The following MTFR1 variants were observed in gnomAD, a reference collection of about 807,000 sequenced individuals.
The protein encoded by MTFR1 is chondrocyte protein with a poly-proline region.
In MTFR1, 28 loss-of-function variants were observed where a neutral mutation model predicts 38.8. The ratio of observed to expected loss-of-function variants is 0.72; its 90% confidence interval spans 0.53 to 0.99. MTFR1 has a LOEUF of 0.99. Ranked by LOEUF, MTFR1 falls within the 50% of genes least tolerant of loss-of-function variation. The probability of loss-of-function intolerance (pLI) is 0.00; values close to 1 mark genes in which losing one functional copy is unlikely to be tolerated. For missense variants in MTFR1, 358 were observed against 395.5 expected, an observed-to-expected ratio of 0.91 and a Z score of 0.81; for synonymous variants, 145 against 137.0, an observed-to-expected ratio of 1.06 and a Z score of -0.41.
intron 1 of MTFR1, among the ~76,000 whole-genome samples, chr8:65,656,539 T>C (rs548417123): frequency 6.7e-6 from 1 of 149,840 alleles, no homozygotes; most frequent in Admixed American, 6.7e-5. Context: ...TCTTTCTCTG[T>C]TGCCCAGGCT....
At chr8:65,703,743 A>T (rs1409088321) in intron 4 of MTFR1, among the ~76,000 whole-genome samples, 1 of 151,870 alleles carries the variant, frequency 6.6e-6, no homozygotes, top group Non-Finnish European at 1.5e-5. Flanking sequence ...CCTCTTTGTT[A>T]TTTTTGTTTT....
chr8:65,739,728 T>C, intron 3 of MTFR1: 1 of 972,332 alleles, frequency 1.0e-6, no homozygotes, highest in Non-Finnish European at 1.3e-6. Context: ...CTATCAAAAA[T>C]ATGCATCTTC....
intron 2 of MTFR1, among the ~76,000 whole-genome samples, chr8:65,671,474 G>A (rs1224995830): frequency 6.6e-6 from 1 of 150,686 alleles, no homozygotes; most frequent in African/African-American, 2.4e-5. Flanking sequence ...GGCAGAGGTT[G>A]CAGTAAGCTG....
chr8:65,672,018 A>G (rs963570305), intron 2 of MTFR1, among the ~76,000 whole-genome samples: 1 of 152,222 alleles, frequency 6.6e-6, no homozygotes, highest in Non-Finnish European at 1.5e-5. Flanking sequence ...ATTCTGTTTC[A>G]GGCACAGATA....
At chr8:65,739,625 A>T (rs2128901038) in intron 3 of MTFR1, 1 of 1,475,464 alleles carries the variant, frequency 6.8e-7, no homozygotes, top group Non-Finnish European at 9.0e-7. Context: ...ACATTACATT[A>T]GTAGGAAATA....
intron 5 of MTFR1, among the ~76,000 whole-genome samples, chr8:65,705,617 T>A (rs1805761155): frequency 2.0e-5 from 3 of 152,230 alleles, no homozygotes; most frequent in Admixed American, 2.0e-4. Context: ...CCTGGGTTTC[T>A]GTGTGGTACG....
At chr8:65,711,105 G>A (rs1805932707), downstream of MTFR1, among the ~76,000 whole-genome samples, 1 of 151,924 alleles carries the variant, frequency 6.6e-6, no homozygotes, top group Admixed American at 6.6e-5. Flanking sequence ...CTTTACTTTT[G>A]CATTATTTTA....
Position 65,665,576 on chromosome 8 carries a change from C to T in MTFR1, c.-80-4297C>T, listed in dbSNP as rs557041981. ...CTCCAGCATTTCCTTATATGATAGT[C>T]ATAATTTCTCTCATCTCCAATCAAA... On this transcript the variant is annotated intron_variant, in intron 1 of 7. Transcript: ENST00000262146. 3.9e-5 allele frequency among the ~76,000 whole-genome samples: 6 copies of T among 152,340 alleles called. No individual in the cohort carries two copies. In the East Asian group the frequency reaches 1.2e-3, roughly 29 times the overall value.
Position 65,769,287 on chromosome 8 carries a change from A to G in MTFR1, c.*49-1660A>G, listed in dbSNP as rs543140490. Among the ~76,000 whole-genome samples, 5 of 151,544 alleles carry G rather than the reference A, an allele frequency of 3.3e-5. No homozygotes were observed. In the East Asian group the frequency reaches 7.7e-4, roughly 23 times the overall value. ...AAAAAAAAGTAACAGATGCATGCAC[A>G]TATTTTTTTTAAAAAATTGTTATGA... On this transcript the variant is annotated intron_variant, in intron 3 of 3. Transcript: ENST00000521247.
At chr8:65,680,689 C>T (rs983961561) in intron 2 of MTFR1, among the ~76,000 whole-genome samples, 1 of 152,120 alleles carries the variant, frequency 6.6e-6, no homozygotes, top group African/African-American at 2.4e-5. Flanking sequence ...AGAATGATCA[C>T]GGATTGATCT....
chr8:65,747,941 T>C (rs1807757822), intron 3 of MTFR1: 6 of 490,412 alleles, frequency 1.2e-5, no homozygotes, highest in Non-Finnish European at 1.8e-5. Context: ...ATGAAAGAAG[T>C]GATACTTTAT....
chr8:65,770,596 T>C lies in MTFR1; in HGVS notation c.*49-351T>C, dbSNP rs188939486. ...GACACAGCCAAACCATATCAACCTC[T>C]AAACACTTCAGTGAATAACACCATA... is the stretch of plus-strand genomic sequence containing the variant. On this transcript the variant is annotated intron_variant, in intron 3 of 3. Transcript: ENST00000521247. 2.9e-3 allele frequency among the ~76,000 whole-genome samples: 445 copies of C among 152,284 alleles called. 2 individuals are homozygous for C. The highest frequency in any genetic ancestry group is 4.7e-3 in the Non-Finnish European group (322 of 68,000).
chr8:65,713,270 G>A (rs146331639), downstream of MTFR1, among the ~76,000 whole-genome samples: 3,693 of 152,096 alleles, frequency 0.024, 164 homozygotes, highest in African/African-American at 0.083. Flanking sequence ...GTGAAACCCT[G>A]TCTCTACTAA....
intron 4 of MTFR1, among the ~76,000 whole-genome samples, chr8:65,695,011 C>A (rs1355279742): frequency 2.0e-5 from 3 of 152,124 alleles, no homozygotes; most frequent in Non-Finnish European, 2.9e-5. Context: ...CTCTAAGAAA[C>A]ATAGAAAAGT....
chr8:65,750,861 A>G (rs1807916202), intron 3 of MTFR1, among the ~76,000 whole-genome samples: 2 of 152,206 alleles, frequency 1.3e-5, no homozygotes, highest in Admixed American at 1.3e-4. Context: ...TTCATTATCA[A>G]GAGTTCTATT....
chr8:65,697,532 T>G (rs1585790919), intron 4 of MTFR1, among the ~76,000 whole-genome samples: 1 of 152,266 alleles, frequency 6.6e-6, no homozygotes, highest in East Asian at 1.9e-4. Context: ...CAGTAGTTGA[T>G]GGACATCTAG....
chr8:65,690,402 G>A (rs1301307144), intron 3 of MTFR1, among the ~76,000 whole-genome samples: 5 of 152,002 alleles, frequency 3.3e-5, no homozygotes, highest in East Asian at 1.9e-4. Context: ...GCCAGGTGTC[G>A]TGGTGTGTGC....
intron 2 of MTFR1, among the ~76,000 whole-genome samples, chr8:65,671,164 G>A (rs1804560159): frequency 6.6e-6 from 1 of 152,146 alleles, no homozygotes; most frequent in African/African-American, 2.4e-5. Context: ...ATTAGCTTGA[G>A]GATAAGCAAT....
intron 3 of MTFR1, chr8:65,725,575 A>G (rs1296420333): frequency 6.5e-6 from 1 of 152,930 alleles, no homozygotes; most frequent in African/African-American, 2.4e-5. Flanking sequence ...CAGATCAATT[A>G]ACAAGATAAA....
Sources: allele counts gnomAD v4.1 joint callset (sites outside exome capture counted in the v4.1 genomes callset), GRCh38; gene constraint gnomAD v4.1.1; transcripts MANE v1.5; gene names NCBI Gene and HGNC (gene_info 2026-07-23, HGNC 2026-07-21).